Variants in PLEKHM2 observed in about 807,000 individuals in gnomAD.
PLEKHM2 encodes the protein pleckstrin homology and RUN domain containing M2.
PLEKHM2 carries 77 observed loss-of-function variants against 116.3 expected under a neutral mutation model. The ratio of observed to expected loss-of-function variants is 0.66; its 90% confidence interval spans 0.55 to 0.80. The LOEUF is 0.80. Ranked by LOEUF, PLEKHM2 falls within the 30% of genes least tolerant of loss-of-function variation. The pLI, the probability that PLEKHM2 is intolerant of heterozygous loss-of-function variation, is 0.00. For missense variants in PLEKHM2, 1,183 were observed against 1,354.9 expected, an observed-to-expected ratio of 0.87 and a Z score of 1.99; for synonymous variants, 562 against 571.0, an observed-to-expected ratio of 0.98 and a Z score of 0.22.
At position 15,728,366 on chromosome 1, in the gene PLEKHM2, C is replaced by A; in HGVS notation, c.1921+9C>A. On this transcript the variant is annotated intron_variant, in intron 11 of 19. Transcript: ENST00000375799. The surrounding 1 kb of genome is among the most constrained non-coding windows in gnomAD (Gnocchi z 5.9). ...CTACCTGCTCCGGAAAGGTGCCCGC[C>A]GCCCCCGGGCAGACAGCGGGTTGTA... 6.2e-7 allele frequency: 1 copy of A among 1,608,464 alleles called. No homozygotes were observed.
chr1:15,734,222 G>A lies in PLEKHM2; in HGVS notation c.*288G>A, dbSNP rs186914798. 407 of 402,064 alleles carry A rather than the reference G, an allele frequency of 1.0e-3. 7 individuals are homozygous for A. Among genetic ancestry groups the A allele is most frequent in the South Asian group, 6.5e-3 (151 of 23,150 alleles). The allele number at this position is 402,064 out of a possible 1,614,324, so 24.9% of individuals were successfully genotyped here. A position where few individuals can be genotyped will look rare whatever the true frequency, so the allele number is the denominator to read the frequency against. ...ATGCACGCCCTCCTCCCGGGCCTCC[G>A]CCTCAGTCTGCAGAATTTCTGCCGA... is the stretch of plus-strand genomic sequence containing the variant. On this transcript the variant is annotated 3_prime_UTR_variant, in exon 20 of 20. Coordinates refer to ENST00000375799, the MANE Select transcript of PLEKHM2 (RefSeq NM_015164.4).
intron 1 of PLEKHM2, among the ~76,000 whole-genome samples, chr1:15,709,715 T>A (rs1397625856): frequency 6.6e-6 from 1 of 152,152 alleles, no homozygotes. Flanking sequence ...AGAAATTGTT[T>A]CAAGGCACAG....
At position 15,728,882 on chromosome 1, in the gene PLEKHM2, A is replaced by C. The variant is rs910418493; in HGVS notation, c.1986+149A>C. The C allele has an allele frequency of 2.4e-6, 2 of 827,524 alleles. No individual in the cohort carries two copies. Among genetic ancestry groups the C allele is most frequent in the African/African-American group, 3.4e-5 (2 of 58,636 alleles). 51.3% of individuals were successfully genotyped at this position (827,524 alleles called of 1,614,324 possible). The stretch of plus-strand genomic sequence containing the variant: ...ACTCTCAGAGAGGCTTCTGTACACG[A>C]TGCTGGGGGTAAGAACCAAGCTTGA... On this transcript the variant is annotated intron_variant, in intron 12 of 19. Coordinates refer to ENST00000375799, the MANE Select transcript of PLEKHM2 (RefSeq NM_015164.4). The surrounding 1 kb of genome is among the most constrained non-coding windows in gnomAD (Gnocchi z 5.9).
intron 7 of PLEKHM2, among the ~76,000 whole-genome samples, chr1:15,723,613 G>A (rs1350111385): frequency 6.6e-6 from 1 of 152,034 alleles, no homozygotes; most frequent in Non-Finnish European, 1.5e-5. Flanking sequence ...GGTGGTGCAC[G>A]CCTATAGTCC....
At position 15,727,370 on chromosome 1, in the gene PLEKHM2, C is replaced by A. The variant is rs1354954514; in HGVS notation, c.1298C>A (p.Pro433Gln). 1 of 1,601,824 alleles carries A rather than the reference C, an allele frequency of 6.2e-7. No homozygotes were observed. Among genetic ancestry groups the A allele is most frequent in the Non-Finnish European group, 8.5e-7 (1 of 1,174,980 alleles). ...ACCTGGTGCTCCCGTGCTGAGCCCC[C>A]AGACCAGTCCTTTCGGACCGGCTCT... is the stretch of plus-strand genomic sequence containing the variant. ...PSTWCSRAEP[P>Q]DQSFRTGSPG... Residue 433 changes from proline to glutamine, a missense_variant, in exon 9 of 20, where the codon CCA becomes CAA. Physicochemically the swap from Pro to Gln is moderately conservative, Grantham distance 76. Coordinates refer to ENST00000375799, the MANE Select transcript of PLEKHM2 (RefSeq NM_015164.4). The surrounding 1 kb of genome is among the most constrained non-coding windows in gnomAD (Gnocchi z 7.5).
upstream of PLEKHM2, chr1:15,682,912 AAG>A (rs2148321429): frequency 6.6e-6 from 1 of 152,300 alleles, no homozygotes; most frequent in Non-Finnish European, 1.5e-5. Context: ...TTAAGGAGGG[AAG>A]AGAGCCAGGT....
At position 15,721,307 on chromosome 1, in the gene PLEKHM2, G is replaced by T; in HGVS notation, c.653-22G>T. The T allele has an allele frequency of 1.3e-6, 2 of 1,523,464 alleles. No homozygotes were observed. Among genetic ancestry groups the T allele is most frequent in the South Asian group, 1.2e-5 (1 of 83,316 alleles). 94.4% of individuals were successfully genotyped at this position (1,523,464 alleles called of 1,614,324 possible). A position where few individuals can be genotyped will look rare whatever the true frequency, so the allele number is the denominator to read the frequency against. On this transcript the variant is annotated intron_variant, in intron 6 of 19. Coordinates refer to ENST00000375799, the MANE Select transcript of PLEKHM2 (RefSeq NM_015164.4). The surrounding 1 kb of genome is among the most constrained non-coding windows in gnomAD (Gnocchi z 5.1). ...CCACTGCCTGTGTTTCTAATCTTCA[G>T]TTTTGTCCCTCGTTTTTGTAGATTA...
intron 19 of PLEKHM2, 51 bp downstream of exon 19, chr1:15,732,779 G>C: frequency 2.4e-6 from 3 of 1,239,338 alleles, no homozygotes; most frequent in Non-Finnish European, 3.4e-6. Context: ...TGGAGTGGGA[G>C]CCACTCCCCG....
At chr1:15,716,587 C>A in intron 2 of PLEKHM2, 120 bp from the exon 3 acceptor site, 2 of 945,524 alleles carry the variant, frequency 2.1e-6, no homozygotes, top group Non-Finnish European at 3.2e-6. Flanking sequence ...GTGCTGGGTG[C>A]CTGGGAGACC....
chr1:15,709,088 C>CA lies in PLEKHM2; in HGVS notation c.61-7147dup, dbSNP rs547404538. On this transcript the variant is annotated intron_variant, in intron 1 of 19. Transcript: ENST00000375799. ...TGAGTAGCAGAGTCAGCATTCAAAC[C>CA]AAGTTGTCCGACTCCAGAATCCACA... 9.9e-5 allele frequency among the ~76,000 whole-genome samples: 15 copies of CA among 152,204 alleles called. No homozygotes were observed. The East Asian group carries it at 2.7e-3, about 27-fold the overall frequency.
chr1:15,697,959 C>T (rs1351309479), intron 1 of PLEKHM2, among the ~76,000 whole-genome samples: 3 of 152,140 alleles, frequency 2.0e-5, no homozygotes, highest in Non-Finnish European at 4.4e-5. Flanking sequence ...GGCAAAGAAA[C>T]CTGTGCAATT....
At chr1:15,730,133 G>A (rs1217860468) in intron 14 of PLEKHM2, among the ~76,000 whole-genome samples, 1 of 152,204 alleles carries the variant, frequency 6.6e-6, no homozygotes, top group African/African-American at 2.4e-5. Flanking sequence ...CCTGGGGTGT[G>A]TCCTAAGGTT....
chr1:15,713,941 G>GT (rs566065077), intron 1 of PLEKHM2, among the ~76,000 whole-genome samples: 2,080 of 104,086 alleles, frequency 0.02, 46 homozygotes, highest in African/African-American at 0.058. Flanking sequence ...GCCCAGCCCT[G>GT]TTTTTTTTTT....
Position 15,684,489 on chromosome 1 carries a change from C to G in PLEKHM2, c.-70C>G, listed in dbSNP as rs1640718453. ...AGCGGTTGGCGGCGGCCCCCGGCCC[C>G]CGGCGCGGGAAGCGGCGGCGGGGCG... On this transcript the variant is annotated 5_prime_UTR_variant, in exon 1 of 20. Coordinates refer to ENST00000375799, the MANE Select transcript of PLEKHM2 (RefSeq NM_015164.4). 9.9e-6 allele frequency: 9 copies of G among 913,090 alleles called. No individual in the cohort carries two copies. Among genetic ancestry groups the G allele is most frequent in the South Asian group, 4.9e-5 (1 of 20,490 alleles). 56.6% of individuals were successfully genotyped at this position (913,090 alleles called of 1,614,324 possible). A position where few individuals can be genotyped will look rare whatever the true frequency, so the allele number is the denominator to read the frequency against.
rs1054278712 is a variant in PLEKHM2, at chr1:15,729,114, C to G, written c.1999C>G (p.Gln667Glu). 1 of 1,609,490 alleles carries G rather than the reference C, an allele frequency of 6.2e-7. No homozygotes were observed. Among genetic ancestry groups the G allele is most frequent in the Non-Finnish European group, 8.5e-7 (1 of 1,178,220 alleles). Residue 667 changes from glutamine (Q) to glutamate (E), a missense_variant, in exon 13 of 20, where the codon CAG becomes GAG. Gln to Glu is a conservative substitution (Grantham distance 29). Around this residue, in one of 3 missense-constraint regions of PLEKHM2, gnomAD observed 594 missense variants for 720.1 expected, o/e 0.82. Transcript: ENST00000375799. This position sits in a 1 kb window ranked among gnomAD's most constrained non-coding sequence, Gnocchi z 4.7. The stretch of plus-strand genomic sequence containing the variant: ...TGGTTTCTGGCAGGTTGGCCTTGAC[C>G]AGCAGACGGTGAAGCTGGTGTGCAC... ...ELDYVSVGLD[Q>E]QTVKLVCTNR...
Position 15,719,768 on chromosome 1 carries a change from C to T in PLEKHM2, c.500C>T (p.Pro167Leu). 5 of 1,613,358 alleles carry T rather than the reference C, an allele frequency of 3.1e-6. No homozygotes were observed. The highest frequency in any genetic ancestry group is 4.2e-6 in the Non-Finnish European group (5 of 1,179,580). ...TACCTAGACCTGGCCCCCTACATGC[C>T]CGACTACTACAAACCTCAGTACCTG... ...APYLDLAPYM[P>L]DYYKPQYLLD... Residue 167 changes from proline to leucine, a missense_variant, in exon 6 of 20, where the codon CCC becomes CTC. Around this residue, in one of 3 missense-constraint regions of PLEKHM2, gnomAD observed 217 missense variants for 277.6 expected, o/e 0.78. Transcript: ENST00000375799. This position sits in a 1 kb window ranked among gnomAD's most constrained non-coding sequence, Gnocchi z 4.1.
Position 15,728,801 on chromosome 1 carries a change from A to T in PLEKHM2, c.1986+68A>T, listed in dbSNP as rs1553161227. 1 of 1,408,518 alleles carries T rather than the reference A, an allele frequency of 7.1e-7. No homozygotes were observed. Among genetic ancestry groups the T allele is most frequent in the Non-Finnish European group, 9.9e-7 (1 of 1,013,484 alleles). The allele number at this position is 1,408,518 out of a possible 1,614,324, so 87.3% of individuals were successfully genotyped here. On this transcript the variant is annotated intron_variant, in intron 12 of 19. Coordinates refer to ENST00000375799, the MANE Select transcript of PLEKHM2 (RefSeq NM_015164.4). The surrounding 1 kb of genome is among the most constrained non-coding windows in gnomAD (Gnocchi z 5.9). The stretch of plus-strand genomic sequence containing the variant: ...GGCTTCTCAAGCCACTTACCCATAG[A>T]ACTGCAGGGCGAGGCACGGCCCCTT...
chr1:15,729,789 C>T lies in PLEKHM2; in HGVS notation c.2076-8C>T, dbSNP rs763274431. ...GGCCTCTAACCACAAACCTCACTCC[C>T]TATGCAGGTTCTTTTTGGCTTCTTT... On this transcript the variant is annotated splice_region_variant and splice_polypyrimidine_tract_variant and intron_variant, in intron 13 of 19. Transcript: ENST00000375799. This position sits in a 1 kb window ranked among gnomAD's most constrained non-coding sequence, Gnocchi z 4.7. 7 of 1,610,348 alleles carry T rather than the reference C, an allele frequency of 4.3e-6. No individual in the cohort carries two copies. The East Asian group carries it at 1.6e-4, about 36-fold the overall frequency.
chr1:15,731,304 C>A, intron 16 of PLEKHM2, 47 bp downstream of exon 16: 2 of 1,411,704 alleles, frequency 1.4e-6, no homozygotes, highest in Non-Finnish European at 2.0e-6. Context: ...CCAGAGCTGC[C>A]GTTTCCCTGG....
Sources: allele counts gnomAD v4.1 joint callset (sites outside exome capture counted in the v4.1 genomes callset), GRCh38; gene constraint gnomAD v4.1.1; regional missense constraint gnomAD v4.1.1; non-coding constraint Gnocchi (gnomAD v3.1); transcripts MANE v1.5; gene names NCBI Gene and HGNC (gene_info 2026-07-23, HGNC 2026-07-21).